Variants in LINGO2 observed in about 807,000 individuals in gnomAD.
LINGO2 encodes the protein leucine rich repeat and Ig domain containing 2, also known as leucine-rich repeat and immunoglobulin-like domain-containing nogo receptor-interacting protein 2.
In LINGO2, 14 loss-of-function variants were observed where a neutral mutation model predicts 30.6. That is an observed-to-expected ratio of 0.46 (90% CI 0.30 to 0.72). The LOEUF is 0.72. LINGO2 is among the 30% of genes least tolerant of loss of function. The probability of loss-of-function intolerance (pLI) is 0.07; values close to 1 mark genes in which losing one functional copy is unlikely to be tolerated. For missense variants in LINGO2, 729 were observed against 751.7 expected (o/e 0.97, Z 0.35); for synonymous variants, 317 against 288.5 (o/e 1.10, Z -1.00).
chr9:28,601,821 G>A (rs190357322), intron 1 of LINGO2, among the ~76,000 whole-genome samples: 210 of 152,090 alleles, frequency 1.4e-3, no homozygotes, highest in Admixed American at 6.3e-3. Context: ...TTACCTGTCT[G>A]CAGCAGGTCA....
At chr9:28,939,883 C>G in the LINGO2 span, among the ~76,000 whole-genome samples, 4 of 152,136 alleles carry the variant, frequency 2.6e-5, no homozygotes, top group Non-Finnish European at 4.4e-5. Context: ...ATTACCCACT[C>G]TAGATTAAAA....
At chr9:28,358,398 C>T (rs144079069) in intron 3 of LINGO2, among the ~76,000 whole-genome samples, 1 of 152,202 alleles carries the variant, frequency 6.6e-6, no homozygotes, top group Admixed American at 6.6e-5. Context: ...TAGCTCATAG[C>T]AGACTCTAAA....
At chr9:28,770,013 T>A in the LINGO2 span, among the ~76,000 whole-genome samples, 1 of 152,130 alleles carries the variant, frequency 6.6e-6, no homozygotes, top group Non-Finnish European at 1.5e-5. Flanking sequence ...GCATACTTTC[T>A]GAAATTTCCT....
intron 5 of LINGO2, among the ~76,000 whole-genome samples, chr9:27,988,754 A>T (rs1821248598): frequency 6.6e-6 from 1 of 151,754 alleles, no homozygotes; most frequent in African/African-American, 2.4e-5. Flanking sequence ...TCGCCCACAG[A>T]CTGTTCTTTC....
In LINGO2 at chr9:28,385,742, T is replaced by G. The variant is rs115968378; in HGVS notation, c.-278-12874A>C. 1.4e-3 allele frequency among the ~76,000 whole-genome samples: 210 copies of G among 152,262 alleles called. 1 individual carries two copies. Among genetic ancestry groups the G allele is most frequent in the African/African-American group, 4.7e-3 (195 of 41,558 alleles). On this transcript the variant is annotated intron_variant, in intron 2 of 5. Transcript: ENST00000379992. ...AATGGAAAAATATATGTGCATGTCC[T>G]TCATTAGCATACCTTTCCAGATAAC...
At chr9:27,938,879 A>C in the LINGO2 span, 13 of 152,314 alleles carry the variant, frequency 8.5e-5, no homozygotes, top group Admixed American at 8.5e-4. Flanking sequence ...TAATTGGAAA[A>C]TTAAATTTTC....
chr9:28,636,931 C>A (rs1006826360), intron 1 of LINGO2, among the ~76,000 whole-genome samples: 1 of 152,102 alleles, frequency 6.6e-6, no homozygotes, highest in Non-Finnish European at 1.5e-5. Context: ...CTTAGGTTTT[C>A]TTCTAGGGTT....
chr9:27,941,456 A>C, the LINGO2 span: 1 of 152,148 alleles, frequency 6.6e-6, no homozygotes, highest in Non-Finnish European at 1.5e-5. Flanking sequence ...GAAAAGAAGA[A>C]TAGCAAAGGG....
chr9:28,049,962 C>A (rs779269926), intron 4 of LINGO2, among the ~76,000 whole-genome samples: 3 of 150,738 alleles, frequency 2.0e-5, no homozygotes, highest in African/African-American at 4.9e-5. Flanking sequence ...GGGGCCAAGC[C>A]TGGCAGCAAG....
At chr9:28,829,280 T>C in the LINGO2 span, among the ~76,000 whole-genome samples, 1 of 152,154 alleles carries the variant, frequency 6.6e-6, no homozygotes, top group Admixed American at 6.5e-5. Context: ...TGAGAGCCAC[T>C]TACATTGGCA....
intron 3 of LINGO2, among the ~76,000 whole-genome samples, chr9:28,349,229 G>T (rs1402950119): frequency 6.6e-6 from 1 of 151,350 alleles, no homozygotes; most frequent in Non-Finnish European, 1.5e-5. Flanking sequence ...CAAACCAAAG[G>T]CAAAGAAGTT....
intron 4 of LINGO2, among the ~76,000 whole-genome samples, chr9:28,050,649 T>C (rs1468634725): frequency 6.6e-6 from 1 of 150,932 alleles, no homozygotes; most frequent in East Asian, 2.0e-4. Context: ...CCACCCTTCA[T>C]AACACTGTTA....
chr9:28,851,267 T>C, the LINGO2 span, among the ~76,000 whole-genome samples: 2 of 152,170 alleles, frequency 1.3e-5, no homozygotes, highest in East Asian at 3.9e-4. Context: ...AGATGACCCA[T>C]TTGCTTGCTT....
At chr9:28,611,897 T>A (rs565057310) in intron 1 of LINGO2, among the ~76,000 whole-genome samples, 1 of 151,962 alleles carries the variant, frequency 6.6e-6, no homozygotes, top group Non-Finnish European at 1.5e-5. Flanking sequence ...CTCAGCTCAC[T>A]GCAAGCTCCG....
intron 1 of LINGO2, among the ~76,000 whole-genome samples, chr9:28,587,060 C>G (rs1824583942): frequency 6.6e-6 from 1 of 151,946 alleles, no homozygotes; most frequent in South Asian, 2.1e-4. Context: ...AAATCCCGCA[C>G]TCAGTTTCCA....
intron 1 of LINGO2, among the ~76,000 whole-genome samples, chr9:28,586,326 T>C (rs540114158): frequency 1.6e-4 from 24 of 152,134 alleles, no homozygotes; most frequent in African/African-American, 5.3e-4. Context: ...GCACTTTTAA[T>C]TATTTCATTT....
chr9:28,601,815 C>A (rs1825489186), intron 1 of LINGO2, among the ~76,000 whole-genome samples: 1 of 151,972 alleles, frequency 6.6e-6, no homozygotes, highest in Admixed American at 6.6e-5. Context: ...TTTGCTTTAC[C>A]TGTCTGCAGC....
At chr9:28,493,749 C>T (rs1319285731) in intron 1 of LINGO2, among the ~76,000 whole-genome samples, 8 of 152,094 alleles carry the variant, frequency 5.3e-5, no homozygotes, top group Non-Finnish European at 1.2e-4. Flanking sequence ...GAAAAGCAGA[C>T]CCACACTTAA....
intron 4 of LINGO2, among the ~76,000 whole-genome samples, chr9:28,095,857 T>G (rs906931824): frequency 6.6e-6 from 1 of 151,762 alleles, no homozygotes; most frequent in African/African-American, 2.4e-5. Flanking sequence ...TCAAACAAAT[T>G]TACAAGAAAA....
Sources: allele counts gnomAD v4.1 joint callset (sites outside exome capture counted in the v4.1 genomes callset), GRCh38; gene constraint gnomAD v4.1.1; transcripts MANE v1.5; gene names NCBI Gene and HGNC (gene_info 2026-07-23, HGNC 2026-07-21).